Variants in RTN3 observed in about 807,000 individuals in gnomAD.
RTN3 encodes the protein reticulon 3, also known as reticulon-3.
RTN3 carries 49 observed loss-of-function variants against 77.8 expected under a neutral mutation model. That is an observed-to-expected ratio of 0.63 (90% CI 0.50 to 0.80). RTN3 has a LOEUF of 0.80. Ranked by LOEUF, RTN3 falls within the 30% of genes least tolerant of loss-of-function variation. The probability of loss-of-function intolerance (pLI) is 0.00; values close to 1 mark genes in which losing one functional copy is unlikely to be tolerated. For synonymous variants in RTN3, 464 were observed against 446.9 expected (o/e 1.04, Z -0.48); for missense variants, 1,236 against 1,211.9 (o/e 1.02, Z -0.29).
At chr11:63,724,252 G>A (rs1227084795) in intron 3 of RTN3, among the ~76,000 whole-genome samples, 2 of 134,874 alleles carry the variant, frequency 1.5e-5, no homozygotes, top group South Asian at 2.3e-4. Flanking sequence ...GCGCAATCTC[G>A]GCTCACTGCA....
chr11:63,681,578 C>G lies in RTN3; in HGVS notation c.-59C>G, dbSNP rs557287843. ...CAGTTGCCGGATTATTCTATTTCCC[C>G]TCCCTCTCTCCCGCCCCGTATCTCT... is the stretch of plus-strand genomic sequence containing the variant. On this transcript the variant is annotated 5_prime_UTR_variant, in exon 1 of 9. Transcript: ENST00000377819. The G allele has an allele frequency of 1.2e-4, 176 of 1,495,450 alleles. No individual in the cohort carries two copies. The East Asian group carries it at 4.2e-3, about 36-fold the overall frequency. The allele number at this position is 1,495,450 out of a possible 1,614,324, so 92.6% of individuals were successfully genotyped here.
chr11:63,702,437 T>C (rs1159664220), intron 1 of RTN3, among the ~76,000 whole-genome samples: 2 of 149,410 alleles, frequency 1.3e-5, no homozygotes, highest in African/African-American at 4.9e-5. Context: ...GCCTCAGCCT[T>C]CGGAGTAGCT....
intron 1 of RTN3, among the ~76,000 whole-genome samples, chr11:63,702,088 A>T (rs1942263151): frequency 6.6e-6 from 1 of 152,198 alleles, no homozygotes; most frequent in Admixed American, 6.5e-5. Flanking sequence ...CCTTTAAAGC[A>T]ATCTTCTAGC....
intron 7 of RTN3, 26 bp downstream of exon 7, chr11:63,753,734 A>C (rs142882734): frequency 6.2e-7 from 1 of 1,603,534 alleles, no homozygotes; most frequent in Non-Finnish European, 8.5e-7. Flanking sequence ...TTCCAAATCA[A>C]ATGTGCCAGT....
At chr11:63,740,336 C>A (rs2013385584) in intron 3 of RTN3, among the ~76,000 whole-genome samples, 1 of 151,476 alleles carries the variant, frequency 6.6e-6, no homozygotes, top group Non-Finnish European at 1.5e-5. Flanking sequence ...GGCTAGAGTG[C>A]AGCAGTGTGA....
chr11:63,724,086 C>G (rs1272764020), intron 3 of RTN3, among the ~76,000 whole-genome samples: 1 of 148,248 alleles, frequency 6.7e-6, no homozygotes, highest in African/African-American at 2.5e-5. Context: ...TGGTGAAGTA[C>G]ATGTAAATTG....
rs563858107 is a variant in RTN3, at chr11:63,737,172, A to G, written c.2531-12819A>G. Among the ~76,000 whole-genome samples, 5 of 152,280 alleles carry G rather than the reference A, an allele frequency of 3.3e-5. No individual in the cohort carries two copies. The East Asian group carries it at 9.7e-4, about 29-fold the overall frequency. On this transcript the variant is annotated intron_variant, in intron 3 of 8. Transcript: ENST00000377819. ...CCGCCTGCCACAATTCTAACTTCAC[A>G]TGATGTGCAGAAATTAAAATGAATT...
At chr11:63,723,340 C>T (rs767780844) in intron 3 of RTN3, among the ~76,000 whole-genome samples, 6 of 151,462 alleles carry the variant, frequency 4.0e-5, no homozygotes, top group Non-Finnish European at 5.9e-5. Context: ...TAATCCATTT[C>T]ATTGCAGTGA....
chr11:63,726,108 A>T (rs2012244479), intron 3 of RTN3, among the ~76,000 whole-genome samples: 1 of 152,222 alleles, frequency 6.6e-6, no homozygotes, highest in Non-Finnish European at 1.5e-5. Flanking sequence ...GTAATTTTTA[A>T]AAGCAATGTC....
intron 3 of RTN3, among the ~76,000 whole-genome samples, chr11:63,740,818 C>A (rs995565128): frequency 6.6e-6 from 1 of 152,130 alleles, no homozygotes; most frequent in Admixed American, 6.5e-5. Flanking sequence ...TTTTCTGTTA[C>A]AATTGTAGCA....
Position 63,753,723 on chromosome 11 carries a change from G to C in RTN3, c.2994+15G>C, listed in dbSNP as rs966300712. 6 of 1,609,796 alleles carry C rather than the reference G, an allele frequency of 3.7e-6. No homozygotes were observed. The African/African-American group carries it at 8.0e-5, about 22-fold the overall frequency. On this transcript the variant is annotated intron_variant, in intron 7 of 8. Transcript: ENST00000377819. ...AGAAGTACAAGGTAAGCATTTATCT[G>C]TTCCAAATCAAATGTGCCAGTTGAT...
intron 3 of RTN3, among the ~76,000 whole-genome samples, chr11:63,739,288 G>T (rs546171978): frequency 4.6e-5 from 7 of 152,246 alleles, no homozygotes; most frequent in African/African-American, 1.7e-4. Flanking sequence ...TGATATTAAA[G>T]ATAAAGTTGT....
intron 3 of RTN3, 89 bp downstream of exon 3, chr11:63,721,121 T>A: frequency 8.7e-7 from 1 of 1,147,000 alleles, no homozygotes; most frequent in Non-Finnish European, 1.2e-6. Flanking sequence ...GATTTATACC[T>A]ACAAAATTAT....
At chr11:63,683,087 T>C (rs1031387057) in intron 1 of RTN3, among the ~76,000 whole-genome samples, 1 of 152,232 alleles carries the variant, frequency 6.6e-6, no homozygotes, top group Non-Finnish European at 1.5e-5. Context: ...ATTCTCTACG[T>C]GTTTTTCTAG....
chr11:63,714,235 T>G, intron 2 of RTN3: 1 of 354,650 alleles, frequency 2.8e-6, no homozygotes, highest in Non-Finnish European at 5.5e-6. Context: ...TAATTAAAGT[T>G]AAAGCACAGA....
chr11:63,740,314 C>T (rs2013384306), intron 3 of RTN3, among the ~76,000 whole-genome samples: 1 of 151,678 alleles, frequency 6.6e-6, no homozygotes, highest in Non-Finnish European at 1.5e-5. Context: ...CGGAGTCTCA[C>T]TCTGTCACCC....
intron 1 of RTN3, among the ~76,000 whole-genome samples, chr11:63,693,852 T>G (rs1430260878): frequency 6.6e-6 from 1 of 152,210 alleles, no homozygotes; most frequent in Non-Finnish European, 1.5e-5. Context: ...CCGGGCACAG[T>G]GGCTCATGCC....
chr11:63,728,167 C>T (rs938939663), intron 3 of RTN3, among the ~76,000 whole-genome samples: 5 of 152,256 alleles, frequency 3.3e-5, no homozygotes, highest in East Asian at 1.9e-4. Flanking sequence ...TGGAGTCATA[C>T]AGGGATGTAC....
intron 1 of RTN3, among the ~76,000 whole-genome samples, chr11:63,702,329 T>G (rs1942279040): frequency 6.6e-6 from 1 of 151,968 alleles, no homozygotes; most frequent in African/African-American, 2.4e-5. Context: ...TTTGTTTTTT[T>G]TTTGAGACAG....
Sources: gnomAD v4.1 joint callset for allele counts (sites outside exome capture counted in the v4.1 genomes callset) on GRCh38, gnomAD v4.1.1 for gene constraint, MANE v1.5 for transcripts, NCBI Gene and HGNC (gene_info 2026-07-23, HGNC 2026-07-21) for gene names.